Variants in DDO observed in about 807,000 individuals in gnomAD.
DDO encodes the protein D-aspartate oxidase, DDO.
Under a neutral mutation model 16.8 loss-of-function variants are expected in DDO, and 16 were observed. The ratio of observed to expected loss-of-function variants is 0.95; its 90% CI spans 0.65 to 1.45. DDO has a LOEUF of 1.45. DDO is among the 40% of genes most tolerant of loss of function. The probability of loss-of-function intolerance (pLI) is 0.00; values close to 1 mark genes in which losing one functional copy is unlikely to be tolerated. For synonymous variants in DDO, 180 were observed against 167.2 expected (o/e 1.08, Z -0.59); for missense variants, 429 against 420.3 (o/e 1.02, Z -0.18).
chr6:110,388,589 C>CA, downstream of DDO, among the ~76,000 whole-genome samples: 2 of 150,138 alleles, frequency 1.3e-5, no homozygotes, highest in East Asian at 3.9e-4. Context: ...TTCTGTTAAA[C>CA]TTTTTTTTTT....
At chr6:110,393,997 T>C (rs1466764268) in intron 4 of DDO, among the ~76,000 whole-genome samples, 1 of 152,224 alleles carries the variant, frequency 6.6e-6, no homozygotes, top group Non-Finnish European at 1.5e-5. Context: ...ACACTTAACA[T>C]AAAATTTATC....
chr6:110,399,760 A>G (rs36030282), intron 4 of DDO, among the ~76,000 whole-genome samples: 17,034 of 152,290 alleles, frequency 0.11, 1,211 homozygotes, highest in Middle Eastern at 0.17. Flanking sequence ...GGAGGGAGCC[A>G]GGTCTCAGGA....
chr6:110,412,402 T>G (rs1315346489), intron 2 of DDO, among the ~76,000 whole-genome samples: 1 of 152,230 alleles, frequency 6.6e-6, no homozygotes, highest in Non-Finnish European at 1.5e-5. Flanking sequence ...TCTGACTTGA[T>G]AGTCATTACT....
chr6:110,397,738 G>A (rs1163579702), intron 4 of DDO, among the ~76,000 whole-genome samples: 2 of 152,206 alleles, frequency 1.3e-5, no homozygotes, highest in Non-Finnish European at 2.9e-5. Flanking sequence ...GCTGGGCCTT[G>A]TCAGGCTTCC....
intron 4 of DDO, among the ~76,000 whole-genome samples, chr6:110,402,616 G>A (rs1467827834): frequency 3.3e-5 from 5 of 152,252 alleles, no homozygotes; most frequent in East Asian, 3.9e-4. Context: ...CTGAGATCAC[G>A]CCACTGCACT....
intron 3 of DDO, among the ~76,000 whole-genome samples, chr6:110,407,012 G>T (rs1457099905): frequency 6.6e-6 from 1 of 152,174 alleles, no homozygotes; most frequent in Non-Finnish European, 1.5e-5. Context: ...ACACATATTT[G>T]TTAAGCATAT....
intron 3 of DDO, among the ~76,000 whole-genome samples, chr6:110,407,207 C>A (rs1326311000): frequency 6.6e-6 from 1 of 152,086 alleles, no homozygotes; most frequent in African/African-American, 2.4e-5. Flanking sequence ...TTACTTAGAG[C>A]CAAAATTTGT....
chr6:110,399,387 G>A (rs1314325977), intron 4 of DDO, among the ~76,000 whole-genome samples: 2 of 152,238 alleles, frequency 1.3e-5, no homozygotes, highest in East Asian at 1.9e-4. Flanking sequence ...CTCACATTGT[G>A]TGGAAGAGGC....
chr6:110,390,982 T>C (rs1014307932), downstream of DDO, among the ~76,000 whole-genome samples: 5 of 152,220 alleles, frequency 3.3e-5, no homozygotes, highest in Non-Finnish European at 5.9e-5. Flanking sequence ...TAGTCATTTC[T>C]AAATTTTTGA....
chr6:110,408,031 A>G (rs142095628), intron 3 of DDO, among the ~76,000 whole-genome samples: 1 of 152,194 alleles, frequency 6.6e-6, no homozygotes, highest in African/African-American at 2.4e-5. Context: ...CAAATCCAGC[A>G]TTTACCTCCT....
intron 2 of DDO, among the ~76,000 whole-genome samples, chr6:110,412,575 G>A (rs1049096427): frequency 6.6e-5 from 10 of 152,208 alleles, no homozygotes; most frequent in Non-Finnish European, 8.8e-5. Context: ...CATCAGAAGC[G>A]TTGAAAGTCG....
chr6:110,413,495 C>T (rs1273663001), intron 1 of DDO, 29 bp from the exon 2 acceptor site: 2 of 1,596,898 alleles, frequency 1.3e-6, no homozygotes, highest in Non-Finnish European at 1.7e-6. Context: ...GAGCTATACC[C>T]CTTGTTTTAA....
chr6:110,393,457 A>C (rs1026589661), intron 4 of DDO, 115 bp from the exon 5 acceptor site: 1 of 1,403,434 alleles, frequency 7.1e-7, no homozygotes, highest in Admixed American at 2.9e-5. Context: ...ATGAACAAAC[A>C]CCTCAGGAGC....
chr6:110,391,496 C>T (rs1773100055), downstream of DDO, among the ~76,000 whole-genome samples: 2 of 151,984 alleles, frequency 1.3e-5, no homozygotes, highest in Non-Finnish European at 2.9e-5. Flanking sequence ...CCATCATGCC[C>T]AGCTAATTTT....
At chr6:110,415,145 C>T (rs546153994) in intron 1 of DDO, among the ~76,000 whole-genome samples, 53 of 152,206 alleles carry the variant, frequency 3.5e-4, no homozygotes, top group Non-Finnish European at 6.9e-4. Flanking sequence ...AGGGAACGGG[C>T]CCAGGCCAGA....
intron 2 of DDO, among the ~76,000 whole-genome samples, chr6:110,410,551 G>A (rs1008852922): frequency 6.6e-6 from 1 of 152,172 alleles, no homozygotes; most frequent in African/African-American, 2.4e-5. Context: ...TTACGATCGT[G>A]GTGGAAAGGG....
At chr6:110,388,321 TA>T (rs775807992), downstream of DDO, among the ~76,000 whole-genome samples, 6 of 151,778 alleles carry the variant, frequency 4.0e-5, no homozygotes, top group Non-Finnish European at 8.8e-5. Flanking sequence ...ACGAGAGAAA[TA>T]AAAAAAATGC....
At chr6:110,397,082 C>T (rs559972688) in intron 4 of DDO, among the ~76,000 whole-genome samples, 1 of 152,194 alleles carries the variant, frequency 6.6e-6, no homozygotes, top group Non-Finnish European at 1.5e-5. Context: ...CTTCTCTAAA[C>T]TTTAATCTTA....
At chr6:110,396,510 T>C (rs755287132) in intron 4 of DDO, among the ~76,000 whole-genome samples, 20 of 152,242 alleles carry the variant, frequency 1.3e-4, no homozygotes, top group Non-Finnish European at 1.9e-4. Context: ...TAAATTCGGT[T>C]GCTTTTTATT....
Sources: allele counts gnomAD v4.1 joint callset (sites outside exome capture counted in the v4.1 genomes callset), GRCh38; gene constraint gnomAD v4.1.1; transcripts MANE v1.5; gene names NCBI Gene and HGNC (gene_info 2026-07-23, HGNC 2026-07-21).